The following PDE4B variants were observed in gnomAD, a reference collection of about 807,000 sequenced individuals.
The protein encoded by PDE4B is 3',5'-cyclic-AMP phosphodiesterase 4B.
In PDE4B, 20 loss-of-function variants were observed where a neutral mutation model predicts 82.2. The observed-to-expected ratio is 0.24, with a 90% CI of 0.17 to 0.35. The LOEUF (loss-of-function observed/expected upper bound fraction) is 0.35. Ranked by LOEUF, PDE4B falls within the 10% of genes least tolerant of loss-of-function variation. The pLI is 1.00. For synonymous variants in PDE4B, 320 were observed against 318.9 expected, an observed-to-expected ratio of 1.00 and a Z score of -0.04; for missense variants, 655 against 907.2, an observed-to-expected ratio of 0.72 and a Z score of 3.57.
intron 1 of PDE4B, among the ~76,000 whole-genome samples, chr1:65,873,674 G>T (rs1054073529): frequency 3.9e-5 from 6 of 152,130 alleles, no homozygotes; most frequent in Non-Finnish European, 7.4e-5. Flanking sequence ...AACCCTTTTA[G>T]TTGAGTATAT....
intron 16 of PDE4B, among the ~76,000 whole-genome samples, chr1:66,370,438 C>T (rs1214092229): frequency 6.6e-6 from 1 of 152,156 alleles, no homozygotes; most frequent in Admixed American, 6.5e-5. Flanking sequence ...GTAGATATTT[C>T]CCCAGCATGT....
chr1:65,899,064 C>T (rs1646942483), intron 1 of PDE4B, among the ~76,000 whole-genome samples: 1 of 152,046 alleles, frequency 6.6e-6, no homozygotes, highest in African/African-American at 2.4e-5. Flanking sequence ...ACAATCTATA[C>T]ATCTGTCAGA....
chr1:65,858,419 C>T (rs1242710910), intron 1 of PDE4B, among the ~76,000 whole-genome samples: 2 of 152,226 alleles, frequency 1.3e-5, no homozygotes, highest in East Asian at 1.9e-4. Flanking sequence ...GAAAATGTAT[C>T]GAAGTTTTAA....
intron 1 of PDE4B, among the ~76,000 whole-genome samples, chr1:65,908,322 A>G (rs553093293): frequency 6.6e-6 from 1 of 152,254 alleles, no homozygotes; most frequent in South Asian, 2.1e-4. Context: ...ATAGTTTGCG[A>G]TGTAGTCTGC....
chr1:66,108,588 C>T (rs1460930738), intron 3 of PDE4B, among the ~76,000 whole-genome samples: 1 of 151,862 alleles, frequency 6.6e-6, no homozygotes, highest in African/African-American at 2.4e-5. Context: ...GGAACTGAAA[C>T]AACTCAATAG....
At chr1:66,129,659 C>CAA (rs59846345) in intron 3 of PDE4B, among the ~76,000 whole-genome samples, 9 of 94,794 alleles carry the variant, frequency 9.5e-5, no homozygotes, top group African/African-American at 3.2e-4. Flanking sequence ...GACTCCGTCT[C>CAA]AAAAAAAAAA....
intron 3 of PDE4B, among the ~76,000 whole-genome samples, chr1:66,194,624 C>T (rs547886455): frequency 2.0e-4 from 30 of 152,216 alleles, no homozygotes; most frequent in African/African-American, 6.3e-4. Flanking sequence ...TATCAAACAA[C>T]TCCAATTTCG....
chr1:65,804,646 G>A (rs1441233547), intron 1 of PDE4B, among the ~76,000 whole-genome samples: 1 of 152,050 alleles, frequency 6.6e-6, no homozygotes, highest in Non-Finnish European at 1.5e-5. Flanking sequence ...GGGAATTGTG[G>A]CTGCCAAACA....
chr1:66,085,142 G>A (rs1476760856), intron 3 of PDE4B, among the ~76,000 whole-genome samples: 1 of 152,158 alleles, frequency 6.6e-6, no homozygotes, highest in Non-Finnish European at 1.5e-5. Flanking sequence ...TTGTCAGCAT[G>A]CACATCCCTG....
At chr1:66,213,114 C>T (rs1309314244) in intron 3 of PDE4B, among the ~76,000 whole-genome samples, 1 of 151,990 alleles carries the variant, frequency 6.6e-6, no homozygotes, top group Non-Finnish European at 1.5e-5. Flanking sequence ...ATTAATTAGC[C>T]AATATTTCTT....
chr1:66,049,894 TG>T (rs1317897603), intron 3 of PDE4B, among the ~76,000 whole-genome samples: 1 of 151,992 alleles, frequency 6.6e-6, no homozygotes, highest in Non-Finnish European at 1.5e-5. Flanking sequence ...GCTTTAGAGA[TG>T]AAAAAAATGT....
At chr1:66,308,115 A>G (rs554487640) in intron 7 of PDE4B, among the ~76,000 whole-genome samples, 1 of 152,292 alleles carries the variant, frequency 6.6e-6, no homozygotes, top group East Asian at 1.9e-4. Flanking sequence ...AAATGGCAGA[A>G]CTTTTTCAAA....
intron 1 of PDE4B, among the ~76,000 whole-genome samples, chr1:65,897,091 C>T (rs1377052603): frequency 6.6e-6 from 1 of 152,056 alleles, no homozygotes; most frequent in East Asian, 1.9e-4. Flanking sequence ...TTCATTTAAT[C>T]CTCAAAATAA....
intron 1 of PDE4B, among the ~76,000 whole-genome samples, chr1:65,894,489 A>G (rs1239332538): frequency 6.6e-6 from 1 of 152,188 alleles, no homozygotes; most frequent in Non-Finnish European, 1.5e-5. Context: ...TTCTTAGAAC[A>G]CAAAATGTCA....
intron 3 of PDE4B, among the ~76,000 whole-genome samples, chr1:66,004,740 T>G (rs1245523718): frequency 6.6e-6 from 1 of 152,142 alleles, no homozygotes; most frequent in Non-Finnish European, 1.5e-5. Flanking sequence ...TCAGAAAGTT[T>G]ATTCATGAGA....
intron 3 of PDE4B, among the ~76,000 whole-genome samples, chr1:66,210,191 G>C (rs1649910980): frequency 6.6e-6 from 1 of 152,108 alleles, no homozygotes. Flanking sequence ...CCTGATTAAT[G>C]GCATTGCTTT....
At chr1:65,836,857 T>C (rs1646145828) in intron 1 of PDE4B, among the ~76,000 whole-genome samples, 1 of 152,200 alleles carries the variant, frequency 6.6e-6, no homozygotes, top group African/African-American at 2.4e-5. Context: ...TGCCTGACCG[T>C]CCATTCTCCA....
At chr1:66,039,149 A>T (rs1217517867) in intron 3 of PDE4B, among the ~76,000 whole-genome samples, 1 of 152,070 alleles carries the variant, frequency 6.6e-6, no homozygotes, top group Non-Finnish European at 1.5e-5. Flanking sequence ...TATAGCATAC[A>T]CAAGGCAGAA....
chr1:66,071,043 T>G (rs1188396062), intron 3 of PDE4B, among the ~76,000 whole-genome samples: 1 of 152,056 alleles, frequency 6.6e-6, no homozygotes, highest in Non-Finnish European at 1.5e-5. Context: ...GTTAATAATT[T>G]TTCTTAATGA....
Sources: allele counts gnomAD v4.1 joint callset (sites outside exome capture counted in the v4.1 genomes callset), GRCh38; gene constraint gnomAD v4.1.1; transcripts MANE v1.5; gene names NCBI Gene and HGNC (gene_info 2026-07-23, HGNC 2026-07-21).